The following SPATA16 variants were observed in gnomAD, a reference collection of about 807,000 sequenced individuals.
SPATA16 encodes the protein spermatogenesis-associated protein 16.
A neutral mutation model predicts 63.3 loss-of-function variants in SPATA16; 36 were observed. That is an observed-to-expected ratio of 0.57 (90% CI 0.44 to 0.75). SPATA16 has a LOEUF of 0.75. Ranked by LOEUF, SPATA16 falls within the 30% of genes least tolerant of loss-of-function variation. The pLI is 0.00. For synonymous variants in SPATA16, 203 were observed against 216.7 expected, an observed-to-expected ratio of 0.94 and a Z score of 0.56; for missense variants, 646 against 679.3, an observed-to-expected ratio of 0.95 and a Z score of 0.54.
rs1390354397 is a variant in SPATA16 at position 172,916,420 on chromosome 3, T to C, written c.1400A>G (p.Gln467Arg). ...GGACTGCTCCTTTACTCTCTGCAGC[T>C]GGCTGAGGAGGCTGGCATATTGCAA... ...EKLQYASLLS[Q>R]LQRVKEQSQV... The change falls in exon 9 of 11, where the codon CAG (glutamine) becomes CGG (arginine). Residue 467 changes from glutamine (Q) to arginine (R), a missense_variant. Gln to Arg is a conservative substitution (Grantham distance 43). Coordinates refer to ENST00000351008, the MANE Select transcript of SPATA16 (RefSeq NM_031955.6). 6.2e-7 allele frequency: 1 copy of C among 1,613,926 alleles called. No individual in the cohort carries two copies.
At chr3:173,048,871 G>A in intron 3 of SPATA16, 78 bp downstream of exon 3, 1 of 1,528,374 alleles carries the variant, frequency 6.5e-7, no homozygotes, top group Non-Finnish European at 9.1e-7. Flanking sequence ...TAAGATGGAA[G>A]GTGATCAGGC....
intron 4 of SPATA16, among the ~76,000 whole-genome samples, chr3:172,996,941 A>G (rs1734705889): frequency 6.6e-6 from 1 of 152,134 alleles, no homozygotes; most frequent in South Asian, 2.1e-4. Context: ...CAGATGAGTT[A>G]AAAATTTTTT....
chr3:173,032,783 C>G (rs1470785256), intron 3 of SPATA16, among the ~76,000 whole-genome samples: 1 of 152,104 alleles, frequency 6.6e-6, no homozygotes, highest in Non-Finnish European at 1.5e-5. Context: ...GCAGACTTCT[C>G]CATAATGGGA....
chr3:173,117,498 C>T lies in SPATA16; in HGVS notation c.234G>A (p.Glu78=), dbSNP rs779138808. 1.2e-6 allele frequency: 2 copies of T among 1,614,140 alleles called. No individual in the cohort carries two copies. The highest frequency in any genetic ancestry group is 1.7e-6 in the Non-Finnish European group (2 of 1,179,998). ...CTGCCTTCCGTTTAAAGGCTGCTTT[C>T]TCTAAATCATTGCTTTGTTTTTCTT... is the stretch of plus-strand genomic sequence containing the variant. ...GIKEKQSNDL[E]KAAFKRKAEG... The change falls in exon 2 of 11, where the codon GAG becomes GAA. Residue 78 remains glutamate, a synonymous_variant. Coordinates refer to ENST00000351008, the MANE Select transcript of SPATA16 (RefSeq NM_031955.6).
At chr3:173,069,112 GAAA>G (rs541801266) in intron 2 of SPATA16, among the ~76,000 whole-genome samples, 2 of 109,180 alleles carry the variant, frequency 1.8e-5, no homozygotes, top group Non-Finnish European at 3.9e-5. Flanking sequence ...TCCGTCTCAA[GAAA>G]AAAAAAAAAA....
At chr3:172,948,546 C>A (rs1270072148) in intron 6 of SPATA16, among the ~76,000 whole-genome samples, 2 of 152,126 alleles carry the variant, frequency 1.3e-5, no homozygotes, top group African/African-American at 2.4e-5. Context: ...TGGCTCACTG[C>A]AGCCTTGACC....
At chr3:173,105,744 C>T (rs1737604540) in intron 2 of SPATA16, among the ~76,000 whole-genome samples, 1 of 151,852 alleles carries the variant, frequency 6.6e-6, no homozygotes, top group Admixed American at 6.6e-5. Flanking sequence ...TGCAAATTTT[C>T]CTTCCTCCCT....
In SPATA16 at chr3:173,117,248, T is replaced by A. The variant is rs1332052749; in HGVS notation, c.484A>T (p.Ser162Cys). Reference sequence around the variant, plus strand: ...GGCAGAAAGCTGAAATTATGTACACTCAAAGGGTCTACTATTTCAGCAGCT... The same window carrying A: ...GGCAGAAAGCTGAAATTATGTACACACAAAGGGTCTACTATTTCAGCAGCT... ...CQAAEIVDPL[S>C]VHNFSFLPQI... The change falls in exon 2 of 11, where the codon AGT (serine) becomes TGT (cysteine). Residue 162 changes from serine (S) to cysteine (C), a missense_variant. Physicochemically the swap from Ser to Cys is moderately radical, Grantham distance 112. Coordinates refer to ENST00000351008, the MANE Select transcript of SPATA16 (RefSeq NM_031955.6). 1 of 1,614,156 alleles carries A rather than the reference T, an allele frequency of 6.2e-7. No homozygotes were observed. Among genetic ancestry groups the A allele is most frequent in the Non-Finnish European group, 8.5e-7 (1 of 1,179,990 alleles).
intron 3 of SPATA16, among the ~76,000 whole-genome samples, chr3:173,025,784 A>G (rs993052071): frequency 1.3e-5 from 2 of 152,012 alleles, no homozygotes; most frequent in Non-Finnish European, 2.9e-5. Flanking sequence ...GTATGTATCA[A>G]TAGTTTGCTT....
intron 1 of SPATA16, among the ~76,000 whole-genome samples, chr3:173,131,043 C>T (rs938133672): frequency 2.0e-5 from 3 of 152,116 alleles, no homozygotes; most frequent in African/African-American, 7.2e-5. Flanking sequence ...TGAAGATTTA[C>T]AGGTTTAAGG....
chr3:173,036,824 A>G (rs773689406), intron 3 of SPATA16, among the ~76,000 whole-genome samples: 9 of 152,018 alleles, frequency 5.9e-5, no homozygotes, highest in African/African-American at 2.2e-4. Context: ...CAAAATGTCA[A>G]TGTTACTGCT....
chr3:173,029,366 A>G (rs1427660369), intron 3 of SPATA16, among the ~76,000 whole-genome samples: 2 of 151,936 alleles, frequency 1.3e-5, no homozygotes, highest in African/African-American at 4.8e-5. Context: ...GGTCAGAGAC[A>G]AAGGACAGTT....
intron 6 of SPATA16, among the ~76,000 whole-genome samples, chr3:172,940,858 C>G (rs577601192): frequency 6.6e-6 from 1 of 152,036 alleles, no homozygotes; most frequent in African/African-American, 2.4e-5. Flanking sequence ...TGGCACGTGC[C>G]TGTAATCACA....
intron 2 of SPATA16, among the ~76,000 whole-genome samples, chr3:173,110,210 G>C (rs1180311635): frequency 6.6e-5 from 10 of 152,120 alleles, no homozygotes; most frequent in Admixed American, 6.6e-4. Context: ...AGAGTTCACA[G>C]TCAGTTTATA....
chr3:172,997,039 G>T (rs771521799), intron 4 of SPATA16, among the ~76,000 whole-genome samples: 6 of 152,084 alleles, frequency 3.9e-5, no homozygotes, highest in African/African-American at 7.2e-5. Context: ...ACCTACTGAA[G>T]AACATCTTGG....
rs1733600645 is a variant in SPATA16 at position 172,956,590 on chromosome 3, C to CAT, written c.1081+86_1081+87insAT. 3 of 1,466,224 alleles carry CAT rather than the reference C, an allele frequency of 2.0e-6. No individual in the cohort carries two copies. In the African/African-American group the frequency reaches 4.2e-5, roughly 21 times the overall value. 90.8% of individuals were successfully genotyped at this position (1,466,224 alleles called of 1,614,324 possible). ...AAACAGTGTACTCCTAAAACAGAAA[C>CAT]AATAAACTAATAAACCAGAAAGAAC... On this transcript the variant is annotated intron_variant, in intron 6 of 10. Transcript: ENST00000351008.
intron 2 of SPATA16, among the ~76,000 whole-genome samples, chr3:173,055,926 G>A (rs2108297613): frequency 6.6e-6 from 1 of 152,198 alleles, no homozygotes; most frequent in Non-Finnish European, 1.5e-5. Context: ...AAATAATAAT[G>A]TTAAAAATTA....
chr3:172,973,441 G>A (rs1734090001), intron 5 of SPATA16, among the ~76,000 whole-genome samples: 1 of 152,140 alleles, frequency 6.6e-6, no homozygotes, highest in Non-Finnish European at 1.5e-5. Flanking sequence ...TGTTTTGTGG[G>A]AGTTCTGTGA....
At chr3:173,134,495 G>A (rs7621821) in intron 1 of SPATA16, among the ~76,000 whole-genome samples, 33,348 of 148,252 alleles carry the variant, frequency 0.22, 4,392 homozygotes, top group African/African-American at 0.38. Flanking sequence ...CCTCAAAAAA[G>A]AAAAAAAAAA....
Sources: gnomAD v4.1 joint callset for allele counts (sites outside exome capture counted in the v4.1 genomes callset) on GRCh38, gnomAD v4.1.1 for gene constraint, MANE v1.5 for transcripts, NCBI Gene and HGNC (gene_info 2026-07-23, HGNC 2026-07-21) for gene names.